The following SETDB1 variants were observed in gnomAD, a reference collection of about 807,000 sequenced individuals.
SETDB1 encodes the protein histone-lysine N-methyltransferase SETDB1.
SETDB1 carries 31 observed loss-of-function variants against 137.4 expected under a neutral mutation model. The ratio of observed to expected loss-of-function variants is 0.23; its 90% CI spans 0.17 to 0.30. The LOEUF is 0.30. Among genes scored for constraint, SETDB1 ranks in the 10% least tolerant of loss-of-function variants. The probability of loss-of-function intolerance (pLI) is 1.00; values close to 1 mark genes in which losing one functional copy is unlikely to be tolerated. For missense variants in SETDB1, 1,113 were observed against 1,631.5 expected, an observed-to-expected ratio of 0.68 and a Z score of 5.47; for synonymous variants, 548 against 579.9, an observed-to-expected ratio of 0.95 and a Z score of 0.79.
intron 3 of SETDB1, among the ~76,000 whole-genome samples, chr1:150,931,656 C>CAAAAAAAA (rs10607028): frequency 2.8e-5 from 3 of 108,426 alleles, no homozygotes; most frequent in Non-Finnish European, 5.4e-5. Context: ...AAAGATAAAC[C>CAAAAAAAA]AAAAAAAAAA....
At chr1:150,951,761 C>T (rs1428775933) in intron 14 of SETDB1, among the ~76,000 whole-genome samples, 1 of 152,084 alleles carries the variant, frequency 6.6e-6, no homozygotes, top group Non-Finnish European at 1.5e-5. Context: ...AATGTCTTAA[C>T]AGATTGTGAT....
chr1:150,927,933 T>C lies in SETDB1; in HGVS notation c.219T>C (p.Ser73=). Residue 73 remains serine, a synonymous_variant, in exon 2 of 22, where the codon TCT becomes TCC. Coordinates refer to ENST00000692827, the MANE Select transcript of SETDB1 (RefSeq NM_001366418.1). ...ELETWVIQKE[S]EVAHVDQLFD... ...AGACATGGGTAATACAGAAAGAATC[T>C]GAGGTGGCTCACGTTGACCAACTCT... 6.2e-7 allele frequency: 1 copy of C among 1,614,230 alleles called. No homozygotes were observed. Among genetic ancestry groups the C allele is most frequent in the East Asian group, 2.2e-5 (1 of 44,892 alleles).
At chr1:150,957,914 C>T (rs587617324) in intron 14 of SETDB1, among the ~76,000 whole-genome samples, 6 of 152,180 alleles carry the variant, frequency 3.9e-5, no homozygotes, top group South Asian at 2.1e-4. Context: ...GGGCTGGGCA[C>T]GGTGGCTCAC....
chr1:150,943,592 C>T (rs1670228998), intron 7 of SETDB1, among the ~76,000 whole-genome samples: 2 of 152,150 alleles, frequency 1.3e-5, no homozygotes, highest in South Asian at 4.1e-4. Flanking sequence ...AGGAGAATTC[C>T]TTGAACCTGG....
At chr1:150,930,186 G>T (rs780723900) in intron 3 of SETDB1, 68 bp downstream of exon 3, 93 of 1,306,036 alleles carry the variant, frequency 7.1e-5, no homozygotes, top group Non-Finnish European at 9.8e-5. Context: ...TGAGCAAATA[G>T]AAGATAATAG....
At chr1:150,930,383 C>T (rs1669686292) in intron 3 of SETDB1, 1 of 361,480 alleles carries the variant, frequency 2.8e-6, no homozygotes. Flanking sequence ...GTGGAATTGC[C>T]AGGACTTATA....
At chr1:150,926,737 G>C (rs1229502185) in intron 1 of SETDB1, 1 of 533,314 alleles carries the variant, frequency 1.9e-6, no homozygotes, top group East Asian at 5.4e-5. Context: ...CTGAAAATCA[G>C]ATTTTCTTTA....
intron 10 of SETDB1, among the ~76,000 whole-genome samples, chr1:150,948,384 C>T (rs1324192164): frequency 6.6e-6 from 1 of 151,094 alleles, no homozygotes. Context: ...AATTCTCCTG[C>T]CTCAGCCTTC....
chr1:150,962,741 CAG>C (rs746193542), intron 18 of SETDB1, 22 bp downstream of exon 18: 15 of 1,604,816 alleles, frequency 9.3e-6, no homozygotes, highest in South Asian at 1.1e-5. Context: ...CAAGCTTATT[CAG>C]AGTCTAATAA....
chr1:150,940,603 T>TA (rs1386403556), intron 4 of SETDB1, among the ~76,000 whole-genome samples: 2 of 149,192 alleles, frequency 1.3e-5, no homozygotes, highest in Non-Finnish European at 3.0e-5. Context: ...CGTGGTGGCT[T>TA]ACGCCTGTAA....
chr1:150,944,159 A>T (rs774427734), intron 8 of SETDB1, 166 bp downstream of exon 8: 4 of 616,286 alleles, frequency 6.5e-6, no homozygotes, highest in Non-Finnish European at 1.2e-5. Context: ...CCCAAAAGAG[A>T]TACAGTTTTA....
chr1:150,938,511 T>G (rs1178100379), intron 3 of SETDB1, among the ~76,000 whole-genome samples: 2 of 152,166 alleles, frequency 1.3e-5, no homozygotes, highest in Non-Finnish European at 2.9e-5. Context: ...TTTTTCTTGT[T>G]TTTTGAGACA....
intron 3 of SETDB1, among the ~76,000 whole-genome samples, chr1:150,932,370 C>T (rs1176305003): frequency 6.6e-6 from 1 of 152,018 alleles, no homozygotes; most frequent in African/African-American, 2.4e-5. Context: ...AGTGTTCCCT[C>T]CTCTGAGTTT....
chr1:150,955,031 G>A (rs1454634209), intron 14 of SETDB1, among the ~76,000 whole-genome samples: 1 of 152,210 alleles, frequency 6.6e-6, no homozygotes, highest in African/African-American at 2.4e-5. Context: ...CAGAAAACCT[G>A]AGGTGCCTGA....
intron 16 of SETDB1, 176 bp from the exon 17 acceptor site, chr1:150,961,954 C>T (rs1670837914): frequency 1.4e-6 from 1 of 732,846 alleles, no homozygotes. Context: ...TTAAAGGCTC[C>T]AGCCAGGGAG....
At position 150,962,172 on chromosome 1, in the gene SETDB1, G is replaced by C. The variant is rs181171318; in HGVS notation, c.3161+14G>C. ...CAAGATGTCAGTGTAAGTGCCTTTTGTTTTGTTTTGTTTTGAGACAGAGTC... is the reference window on the plus strand; with the variant it reads ...CAAGATGTCAGTGTAAGTGCCTTTTCTTTTGTTTTGTTTTGAGACAGAGTC... On this transcript the variant is annotated intron_variant, in intron 17 of 21. Coordinates refer to ENST00000692827, the MANE Select transcript of SETDB1 (RefSeq NM_001366418.1). 3.1e-6 allele frequency: 5 copies of C among 1,610,258 alleles called. No individual in the cohort carries two copies.
intron 17 of SETDB1, 119 bp downstream of exon 17, chr1:150,962,277 T>C (rs1670846766): frequency 2.2e-6 from 2 of 920,128 alleles, no homozygotes; most frequent in Non-Finnish European, 3.6e-6. Flanking sequence ...CAAGAGATTC[T>C]CCCACCTCAG....
At chr1:150,929,927 C>T (rs1198233924) in intron 2 of SETDB1, 40 bp from the exon 3 acceptor site, 1 of 1,578,558 alleles carries the variant, frequency 6.3e-7, no homozygotes, top group South Asian at 1.1e-5. Context: ...CTTAATTCCT[C>T]TACTGGCTTT....
In SETDB1 at chr1:150,964,405, C is replaced by T. The variant is rs756219695; in HGVS notation, c.*41C>T. 2 of 1,440,876 alleles carry T rather than the reference C, an allele frequency of 1.4e-6. No individual in the cohort carries two copies. The highest frequency in any genetic ancestry group is 1.2e-5 in the South Asian group (1 of 86,148). The allele number at this position is 1,440,876 out of a possible 1,614,324, so 89.3% of individuals were successfully genotyped here. A position where few individuals can be genotyped will look rare whatever the true frequency, so the allele number is the denominator to read the frequency against. On this transcript the variant is annotated 3_prime_UTR_variant, in exon 22 of 22. Transcript: ENST00000692827. ...CCAACCCTTCTTGAACTGTCGTTTC[C>T]TCAGGAACTGGGTCTTCCTGATTGT...
Sources: gnomAD v4.1 joint callset for allele counts (sites outside exome capture counted in the v4.1 genomes callset) on GRCh38, gnomAD v4.1.1 for gene constraint, MANE v1.5 for transcripts, NCBI Gene and HGNC (gene_info 2026-07-23, HGNC 2026-07-21) for gene names.